Variants in PTPRD observed in about 807,000 individuals in gnomAD.
The protein encoded by PTPRD is receptor-type tyrosine-protein phosphatase delta.
Under a neutral mutation model 214.5 loss-of-function variants are expected in PTPRD, and 34 were observed. The ratio of observed to expected loss-of-function variants is 0.16; its 90% confidence interval spans 0.12 to 0.21. The LOEUF (loss-of-function observed/expected upper bound fraction) is 0.21. Among genes scored for constraint, PTPRD ranks in the 10% least tolerant of loss-of-function variants. The pLI is 1.00. For synonymous variants in PTPRD, 1,128 were observed against 845.7 expected (o/e 1.33, Z -5.79); for missense variants, 2,545 against 2,398.7 (o/e 1.06, Z -1.27).
chr9:9,823,703 G>C (rs568607490), intron 5 of PTPRD, among the ~76,000 whole-genome samples: 45 of 152,106 alleles, frequency 3.0e-4, no homozygotes, highest in African/African-American at 1.0e-3. Flanking sequence ...GTAGAGAGTA[G>C]AATAATGACT....
chr9:8,949,667 A>T (rs1308789931), intron 11 of PTPRD, among the ~76,000 whole-genome samples: 1 of 152,192 alleles, frequency 6.6e-6, no homozygotes, highest in African/African-American at 2.4e-5. Context: ...TCTCATCCAC[A>T]TAAACATGCT....
At chr9:9,427,756 C>T (rs1174853713) in intron 8 of PTPRD, among the ~76,000 whole-genome samples, 2 of 152,136 alleles carry the variant, frequency 1.3e-5, no homozygotes, top group African/African-American at 4.8e-5. Context: ...GGGGCCACTA[C>T]TCAACATGCT....
Position 9,080,240 on chromosome 9 carries a change from T to C in PTPRD, c.-142-61505A>G, listed in dbSNP as rs151210773. ...CCAAGTTTACACATGGTGTAAGAGA[T>C]GACCAAATATCTTTGATTCCAAAGA... On this transcript the variant is annotated intron_variant, in intron 10 of 45. Transcript: ENST00000381196. 7.7e-3 allele frequency among the ~76,000 whole-genome samples: 1,174 copies of C among 152,190 alleles called. 12 individuals are homozygous for C. Among genetic ancestry groups the C allele is most frequent in the African/African-American group, 0.026 (1,097 of 41,552 alleles).
intron 9 of PTPRD, among the ~76,000 whole-genome samples, chr9:9,256,886 G>T (rs949705298): frequency 6.6e-6 from 1 of 151,960 alleles, no homozygotes; most frequent in African/African-American, 2.4e-5. Flanking sequence ...TCTCCTCTCA[G>T]AGGGTCTTCT....
rs759219517 is a variant in PTPRD at position 10,262,231 on chromosome 9, AG to A, written c.-545+78731del. On this transcript the variant is annotated intron_variant, in intron 3 of 45. Transcript: ENST00000381196. ...TTTCAAGAAATGGTGAAAATGTTAA[AG>A]AATAAACAATATTTTGAAAAAGGGA... Among the ~76,000 whole-genome samples, 197 of 152,338 alleles carry A rather than the reference AG, an allele frequency of 1.3e-3. 1 individual carries two copies. In the Middle Eastern group the frequency reaches 0.014, roughly 11 times the overall value.
At chr9:10,256,097 G>C (rs370443281) in intron 3 of PTPRD, among the ~76,000 whole-genome samples, 23 of 152,158 alleles carry the variant, frequency 1.5e-4, no homozygotes, top group Non-Finnish European at 2.9e-4. Context: ...CTCTTTATAA[G>C]AATTTAATGC....
intron 43 of PTPRD, among the ~76,000 whole-genome samples, chr9:8,334,031 A>G (rs911324440): frequency 2.6e-5 from 4 of 152,122 alleles, no homozygotes. Context: ...CAGATTCATA[A>G]AATAAAGCAA....
intron 3 of PTPRD, among the ~76,000 whole-genome samples, chr9:10,210,813 ATATATATATGTATG>A (rs60877685): frequency 0.17 from 19,892 of 119,712 alleles, 1,916 homozygotes; most frequent in African/African-American, 0.27. Context: ...ATATATATAT[ATATATATATGTATG>A]TATGTATGTA....
Position 8,338,261 on chromosome 9 carries a change from G to A in PTPRD, c.5379+661C>T, listed in dbSNP as rs78156258. ...TCATGGGTTGAAAGTGGCCAAAGGCGAAGATATCAGAGTTTATGCATAGAA... is the reference window on the plus strand; with the variant it reads ...TCATGGGTTGAAAGTGGCCAAAGGCAAAGATATCAGAGTTTATGCATAGAA... On this transcript the variant is annotated intron_variant, in intron 43 of 45. Coordinates refer to ENST00000381196, the MANE Select transcript of PTPRD (RefSeq NM_002839.4). 2.5e-3 allele frequency among the ~76,000 whole-genome samples: 377 copies of A among 152,190 alleles called. 3 individuals carry two copies. The highest frequency in any genetic ancestry group is 8.6e-3 in the African/African-American group (359 of 41,540).
chr9:9,884,181 C>T (rs557497988), intron 5 of PTPRD, among the ~76,000 whole-genome samples: 3 of 152,174 alleles, frequency 2.0e-5, no homozygotes, highest in Admixed American at 6.6e-5. Flanking sequence ...CCCCATCATC[C>T]TTCAAACATT....
At chr9:8,718,719 C>T (rs1190215796) in intron 12 of PTPRD, among the ~76,000 whole-genome samples, 3 of 152,196 alleles carry the variant, frequency 2.0e-5, no homozygotes, top group African/African-American at 4.8e-5. Context: ...TCTGCAGAAA[C>T]GTGTGCCTCC....
chr9:10,578,727 T>G (rs1293795363), intron 2 of PTPRD, among the ~76,000 whole-genome samples: 3 of 152,162 alleles, frequency 2.0e-5, no homozygotes, highest in African/African-American at 7.2e-5. Flanking sequence ...TAGTTTTTTT[T>G]GAATAATTTC....
At chr9:9,585,233 T>C (rs562674294) in intron 7 of PTPRD, among the ~76,000 whole-genome samples, 221 of 152,218 alleles carry the variant, frequency 1.5e-3, no homozygotes, top group African/African-American at 5.0e-3. Flanking sequence ...GTAGCAGACA[T>C]AATGCCTAGG....
rs138433612 is a variant in PTPRD, at chr9:10,129,786, C to T, written c.-544-95996G>A. On this transcript the variant is annotated intron_variant, in intron 3 of 45. Coordinates refer to ENST00000381196, the MANE Select transcript of PTPRD (RefSeq NM_002839.4). Reference sequence around the variant, plus strand: ...ACCTAAATATTTTACTTTGAATTTGCTAAATTGGCTGACTTTTGGTATTGT... The same window carrying T: ...ACCTAAATATTTTACTTTGAATTTGTTAAATTGGCTGACTTTTGGTATTGT... Among the ~76,000 whole-genome samples the T allele has an allele frequency of 2.9e-4, 44 of 151,980 alleles. 1 individual carries two copies. The highest frequency in any genetic ancestry group is 9.9e-4 in the African/African-American group (41 of 41,454).
At chr9:8,442,492 A>G (rs1004818517) in intron 34 of PTPRD, among the ~76,000 whole-genome samples, 1 of 152,174 alleles carries the variant, frequency 6.6e-6, no homozygotes, top group Non-Finnish European at 1.5e-5. Flanking sequence ...ACTCAGTAAC[A>G]GTCTCTTCAT....
intron 4 of PTPRD, among the ~76,000 whole-genome samples, chr9:10,005,754 T>G (rs2154098955): frequency 6.6e-6 from 1 of 152,184 alleles, no homozygotes; most frequent in African/African-American, 2.4e-5. Context: ...TACATAGTCT[T>G]TAACCCAGTT....
chr9:8,389,020 C>T (rs2088412735), intron 37 of PTPRD, among the ~76,000 whole-genome samples: 1 of 143,302 alleles, frequency 7.0e-6, no homozygotes, highest in African/African-American at 2.6e-5. Flanking sequence ...AGCAACCACA[C>T]ACATCATAAC....
At chr9:9,129,209 G>T (rs993036739) in intron 10 of PTPRD, among the ~76,000 whole-genome samples, 1 of 152,126 alleles carries the variant, frequency 6.6e-6, no homozygotes, top group Non-Finnish European at 1.5e-5. Flanking sequence ...GGCCAACAGG[G>T]CAAAAACCCA....
intron 7 of PTPRD, among the ~76,000 whole-genome samples, chr9:9,676,934 G>C (rs2096943416): frequency 6.6e-6 from 1 of 152,092 alleles, no homozygotes; most frequent in African/African-American, 2.4e-5. Context: ...CTTTTGAGAA[G>C]TGTCTGTTCA....
Sources: allele counts gnomAD v4.1 joint callset (sites outside exome capture counted in the v4.1 genomes callset), GRCh38; gene constraint gnomAD v4.1.1; transcripts MANE v1.5; gene names NCBI Gene and HGNC (gene_info 2026-07-23, HGNC 2026-07-21).